The following FXYD3 variants were observed in gnomAD, a reference collection of about 807,000 sequenced individuals.
The protein encoded by FXYD3 is FXYD domain containing ion transport regulator 3.
Under a neutral mutation model 19.2 loss-of-function variants are expected in FXYD3, and 13 were observed. The observed-to-expected ratio is 0.68, with a 90% CI of 0.44 to 1.08. The LOEUF is 1.08. Among genes scored for constraint, FXYD3 ranks in the 50% least tolerant of loss-of-function variants. The probability of loss-of-function intolerance (pLI) is 0.00; values close to 1 mark genes in which losing one functional copy is unlikely to be tolerated. For synonymous variants in FXYD3, 48 were observed against 38.9 expected, an observed-to-expected ratio of 1.23 and a Z score of -0.87; for missense variants, 101 against 109.4, an observed-to-expected ratio of 0.92 and a Z score of 0.34.
At chr19:35,120,709 G>A (rs536066800) in intron 3 of FXYD3, among the ~76,000 whole-genome samples, 1 of 152,318 alleles carries the variant, frequency 6.6e-6, no homozygotes, top group African/African-American at 2.4e-5. Flanking sequence ...AGCATGATTG[G>A]ACTTGGGGAA....
At chr19:35,120,184 G>A (rs570198863) in intron 3 of FXYD3, among the ~76,000 whole-genome samples, 151 of 150,064 alleles carry the variant, frequency 1.0e-3, no homozygotes, top group Middle Eastern at 6.9e-3. Flanking sequence ...CTGTTGCCCA[G>A]GCTGGAGTGC....
chr19:35,116,715 G>C, intron 2 of FXYD3: 3 of 951,870 alleles, frequency 3.2e-6, no homozygotes, highest in African/African-American at 2.1e-5. Flanking sequence ...AAGTGGACCA[G>C]GGGTGCGTAG....
intron 2 of FXYD3, chr19:35,116,956 C>G (rs1219743619): frequency 1.0e-6 from 1 of 985,104 alleles, no homozygotes; most frequent in Non-Finnish European, 1.2e-6. Flanking sequence ...ATCTTTCTAC[C>G]CACCCCTGAA....
chr19:35,118,392 G>A, intron 2 of FXYD3: 4 of 514,436 alleles, frequency 7.8e-6, no homozygotes, highest in South Asian at 8.3e-5. Context: ...TGATAACTAT[G>A]CACTCAGCAT....
chr19:35,122,225 G>T (rs1342079119), intron 5 of FXYD3, among the ~76,000 whole-genome samples: 1 of 151,844 alleles, frequency 6.6e-6, no homozygotes, highest in Admixed American at 6.6e-5. Context: ...TGCAATCTTG[G>T]CTCACTGCAA....
intron 3 of FXYD3, chr19:35,119,669 G>GT (rs371958491): frequency 9.7e-6 from 4 of 411,046 alleles, no homozygotes; most frequent in Non-Finnish European, 1.2e-5. Context: ...TTTTGTTTTT[G>GT]TTTTTGTTTT....
At chr19:35,117,065 G>A (rs921441986) in intron 2 of FXYD3, 1 of 985,258 alleles carries the variant, frequency 1.0e-6, no homozygotes. Flanking sequence ...TCATGGCCAG[G>A]AAGGATGAGA....
intron 5 of FXYD3, 39 bp downstream of exon 5, chr19:35,121,284 A>G (rs1422956995): frequency 7.4e-6 from 12 of 1,613,974 alleles, no homozygotes; most frequent in Non-Finnish European, 1.0e-5. Context: ...CCACAACCCC[A>G]CATACTGCTT....
At chr19:35,116,643 G>C in intron 2 of FXYD3, 3 of 985,260 alleles carry the variant, frequency 3.0e-6, no homozygotes, top group Non-Finnish European at 3.6e-6. Context: ...ATGGATTAGG[G>C]ATATCTGGGT....
Position 35,123,551 on chromosome 19 carries a change from C to T in FXYD3, c.*94C>T. On this transcript the variant is annotated 3_prime_UTR_variant, in exon 9 of 9. Transcript: ENST00000604404. ...ACTTGAACTCCAGGATGGAATTCTTCCTCCTCTGCTGGGACTCCTTTGCAT... is the reference window on the plus strand; with the variant it reads ...ACTTGAACTCCAGGATGGAATTCTTTCTCCTCTGCTGGGACTCCTTTGCAT... 7.5e-7 allele frequency: 1 copy of T among 1,342,054 alleles called. No homozygotes were observed. Among genetic ancestry groups the T allele is most frequent in the South Asian group, 1.2e-5 (1 of 83,446 alleles). 83.1% of individuals were successfully genotyped at this position (1,342,054 alleles called of 1,614,324 possible).
chr19:35,116,923 T>A (rs2145308851), intron 2 of FXYD3: 1 of 984,956 alleles, frequency 1.0e-6, no homozygotes, highest in East Asian at 1.1e-4. Flanking sequence ...CTTGGGAGAT[T>A]TCAGGAGCAC....
At chr19:35,122,888 C>T (rs2065076642) in intron 6 of FXYD3, 30 bp from the exon 7 acceptor site, 1 of 1,613,730 alleles carries the variant, frequency 6.2e-7, no homozygotes, top group Non-Finnish European at 8.5e-7. Flanking sequence ...TGGGGCTCCC[C>T]TCCCCTGACC....
intron 3 of FXYD3, 70 bp downstream of exon 3, chr19:35,119,486 C>A: frequency 2.1e-6 from 3 of 1,401,606 alleles, no homozygotes; most frequent in Non-Finnish European, 2.0e-6. Flanking sequence ...CTCTGTCTCT[C>A]TCCTGTGCTT....
At chr19:35,119,047 G>T (rs1337327010) in intron 2 of FXYD3, 9 of 729,284 alleles carry the variant, frequency 1.2e-5, no homozygotes, top group Non-Finnish European at 1.9e-5. Context: ...CAGAGCCTCA[G>T]TCTCCCCATC....
intron 5 of FXYD3, among the ~76,000 whole-genome samples, chr19:35,122,385 C>A (rs2065061271): frequency 6.6e-6 from 1 of 152,138 alleles, no homozygotes; most frequent in Non-Finnish European, 1.5e-5. Context: ...GAACTCCTGA[C>A]CTCAGGTGAT....
chr19:35,122,855 CG>C lies in FXYD3; in HGVS notation c.172+21del, dbSNP rs1568388316. On this transcript the variant is annotated intron_variant, in intron 6 of 8. Transcript: ENST00000604404. The stretch of plus-strand genomic sequence containing the variant: ...ATCGTCATGAGTGAGTGGAGGAGCT[CG>C]GGGGAGCAGGCGGGCCGGGGCTGGG... 6.2e-7 allele frequency: 1 copy of C among 1,613,696 alleles called. No individual in the cohort carries two copies. The highest frequency in any genetic ancestry group is 1.3e-5 in the African/African-American group (1 of 74,902).
intron 2 of FXYD3, among the ~76,000 whole-genome samples, chr19:35,117,757 C>CAAAAAAA (rs67977522): frequency 3.0e-5 from 2 of 65,716 alleles, no homozygotes; most frequent in Non-Finnish European, 2.6e-5. Context: ...TTTCTTCCCG[C>CAAAAAAA]AAAAAAAGGA....
intron 7 of FXYD3, 25 bp from the exon 8 acceptor site, chr19:35,123,246 A>C: frequency 6.4e-7 from 1 of 1,570,836 alleles, no homozygotes; most frequent in Non-Finnish European, 8.6e-7. Flanking sequence ...GGCGGACACC[A>C]ATCTCACCAC....
At chr19:35,116,038 A>C (rs1047200592) in intron 1 of FXYD3, 79 bp downstream of exon 1, 1 of 161,186 alleles carries the variant, frequency 6.2e-6, no homozygotes, top group Non-Finnish European at 1.3e-5. Context: ...TTCCCCATTC[A>C]AGGTCCTCTC....
Sources: gnomAD v4.1 joint callset for allele counts (sites outside exome capture counted in the v4.1 genomes callset) on GRCh38, gnomAD v4.1.1 for gene constraint, MANE v1.5 for transcripts, NCBI Gene and HGNC (gene_info 2026-07-23, HGNC 2026-07-21) for gene names.